MIAT: variants seen among roughly 807,000 people sequenced by gnomAD.
MIAT encodes the protein myocardial infarction associated transcript, also known as MI related novel mRNA.
chr22:26,653,279 T>C (rs1479726741), intron 2 of MIAT, among the ~76,000 whole-genome samples: 1 of 152,212 alleles, frequency 6.6e-6, no homozygotes, highest in East Asian at 1.9e-4. Context: ...GGTATTGGCA[T>C]CTGCTGAACA....
At chr22:26,647,587 G>A (rs1306817092) in intron 2 of MIAT, among the ~76,000 whole-genome samples, 5 of 152,112 alleles carry the variant, frequency 3.3e-5, no homozygotes, top group African/African-American at 4.8e-5. Flanking sequence ...GGGTGGGAGC[G>A]TGCTGAATGA....
intron 2 of MIAT, among the ~76,000 whole-genome samples, chr22:26,647,903 G>A (rs2145996028): frequency 1.3e-5 from 2 of 152,220 alleles, no homozygotes; most frequent in Middle Eastern, 6.8e-3. Context: ...GGCCGTGGGA[G>A]AAGGAAGGGT....
chr22:26,659,371 A>T (rs1305381197), intron 2 of MIAT, among the ~76,000 whole-genome samples: 1 of 152,090 alleles, frequency 6.6e-6, no homozygotes, highest in Non-Finnish European at 1.5e-5. Context: ...ATGCCCGCCT[A>T]TTTTACTATT....
chr22:26,670,542 A>G, downstream of MIAT: 1 of 361,856 alleles, frequency 2.8e-6, no homozygotes, highest in Non-Finnish European at 4.9e-6. Flanking sequence ...TCTGGCTGAG[A>G]TGATACCCGA....
intron 2 of MIAT, among the ~76,000 whole-genome samples, chr22:26,662,115 C>G (rs1475896909): frequency 1.3e-5 from 2 of 151,674 alleles, no homozygotes; most frequent in African/African-American, 4.8e-5. Flanking sequence ...CATAACCACG[C>G]CCAGCTAATT....
chr22:26,655,927 T>C, intron 2 of MIAT: 1 of 152,096 alleles, frequency 6.6e-6, no homozygotes, highest in East Asian at 1.9e-4. Context: ...CAAGCAAGCT[T>C]GTCCCCCAGG....
chr22:26,653,980 A>T (rs1333308897), intron 2 of MIAT, among the ~76,000 whole-genome samples: 2 of 152,180 alleles, frequency 1.3e-5, no homozygotes, highest in African/African-American at 2.4e-5. Flanking sequence ...ACCTCAGGTG[A>T]TCCGCCCACC....
At chr22:26,662,270 A>G (rs578260281) in intron 2 of MIAT, among the ~76,000 whole-genome samples, 1 of 152,016 alleles carries the variant, frequency 6.6e-6, no homozygotes, top group Non-Finnish European at 1.5e-5. Context: ...CCCCTATTTG[A>G]ATACACCCTC....
chr22:26,659,776 T>C (rs1901255541), intron 2 of MIAT, among the ~76,000 whole-genome samples: 1 of 105,326 alleles, frequency 9.5e-6, no homozygotes, highest in Non-Finnish European at 2.0e-5. Context: ...GTAAAGGATT[T>C]AGAAAAGACA....
intron 2 of MIAT, chr22:26,657,668 C>T: frequency 2.5e-6 from 1 of 398,790 alleles, no homozygotes; most frequent in East Asian, 3.6e-5. Context: ...AGACGTCGCC[C>T]CATCCTAGAA....
chr22:26,652,187 G>C (rs187067264), intron 2 of MIAT, among the ~76,000 whole-genome samples: 39 of 152,146 alleles, frequency 2.6e-4, no homozygotes, highest in African/African-American at 9.2e-4. Context: ...GTAGAGATGC[G>C]GTGGAGCCGG....
chr22:26,646,525 A>T, exon 1 of MIAT: 1 of 399,010 alleles, frequency 2.5e-6, no homozygotes, highest in Non-Finnish European at 4.4e-6. Flanking sequence ...GTGTCGTGGG[A>T]CAGGGTCAGG....
intron 3 of MIAT, among the ~76,000 whole-genome samples, chr22:26,664,510 C>T (rs1169557816): frequency 6.6e-6 from 1 of 152,186 alleles, no homozygotes; most frequent in African/African-American, 2.4e-5. Context: ...ACTGTTCATC[C>T]ACATCCCATC....
chr22:26,652,667 T>C (rs1602354365), intron 2 of MIAT, among the ~76,000 whole-genome samples: 1 of 152,278 alleles, frequency 6.6e-6, no homozygotes, highest in Non-Finnish European at 1.5e-5. Flanking sequence ...TCTCTCTCTT[T>C]TTTTAAAGAG....
At chr22:26,655,661 G>A (rs1930416757) in intron 2 of MIAT, among the ~76,000 whole-genome samples, 1 of 152,186 alleles carries the variant, frequency 6.6e-6, no homozygotes. Flanking sequence ...GGGCAGAACT[G>A]AAATGTAAAC....
At chr22:26,663,918 A>G (rs1427381450) in intron 3 of MIAT, among the ~76,000 whole-genome samples, 1 of 149,144 alleles carries the variant, frequency 6.7e-6, no homozygotes, top group Non-Finnish European at 1.5e-5. Context: ...CCCCAGTCCC[A>G]GGAAACCACT....
chr22:26,671,958 T>G (rs1931061974), downstream of MIAT: 1 of 398,590 alleles, frequency 2.5e-6, no homozygotes, highest in African/African-American at 2.1e-5. Context: ...GACACTTGGC[T>G]TTGAATCCAT....
chr22:26,655,357 C>T (rs1288933668), intron 2 of MIAT, among the ~76,000 whole-genome samples: 6 of 152,222 alleles, frequency 3.9e-5, no homozygotes, highest in Admixed American at 3.9e-4. Flanking sequence ...AAAGGACAGG[C>T]TTAAATCTAC....
exon 5 of MIAT, chr22:26,675,992 G>A (rs1931247251): frequency 2.5e-6 from 1 of 398,684 alleles, no homozygotes; most frequent in Non-Finnish European, 4.4e-6. Flanking sequence ...GCCCAAGCAG[G>A]CACATTCTCT....
Sources: gnomAD v4.1 joint callset for allele counts (sites outside exome capture counted in the v4.1 genomes callset) on GRCh38, gnomAD v4.1.1 for gene constraint, MANE v1.5 for transcripts, NCBI Gene and HGNC (gene_info 2026-07-23, HGNC 2026-07-21) for gene names.